The following CLVS1 variants were observed in gnomAD, a reference collection of about 807,000 sequenced individuals.
The protein encoded by CLVS1 is clavesin 1, also known as clavesin-1.
CLVS1 carries 10 observed loss-of-function variants against 33.1 expected under a neutral mutation model. The observed-to-expected ratio is 0.30, with a 90% confidence interval of 0.19 to 0.51. CLVS1 has a LOEUF of 0.51. Ranked by LOEUF, CLVS1 falls within the 20% of genes least tolerant of loss-of-function variation. CLVS1 has a pLI of 0.97. For synonymous variants in CLVS1, 163 were observed against 166.1 expected (o/e 0.98, Z 0.14); for missense variants, 343 against 433.4 (o/e 0.79, Z 1.85).
rs577587866 is a variant in CLVS1, at chr8:61,384,077, T to C, written c.630+7298T>C. 5.3e-5 allele frequency among the ~76,000 whole-genome samples: 8 copies of C among 152,346 alleles called. No homozygotes were observed. In the South Asian group the frequency reaches 1.4e-3, roughly 28 times the overall value. On this transcript the variant is annotated intron_variant, in intron 3 of 5. Transcript: ENST00000325897. ...GGCAAGGCCAGGCCTCAGCTGATAC[T>C]TAGCAGGTAAGCGTGGAATAGTAAG...
chr8:61,387,505 T>C (rs1447139748), intron 3 of CLVS1, among the ~76,000 whole-genome samples: 2 of 151,078 alleles, frequency 1.3e-5, no homozygotes, highest in Non-Finnish European at 3.0e-5. Flanking sequence ...AATAGGTTTT[T>C]GGGGAACAAG....
At chr8:61,257,886 G>C (rs1348746810) in intron 2 of CLVS1, among the ~76,000 whole-genome samples, 1 of 152,176 alleles carries the variant, frequency 6.6e-6, no homozygotes, top group Non-Finnish European at 1.5e-5. Context: ...TAGAATAGGA[G>C]ACTTGCTATG....
At chr8:61,248,506 C>T (rs887856978) in intron 2 of CLVS1, among the ~76,000 whole-genome samples, 2 of 152,054 alleles carry the variant, frequency 1.3e-5, no homozygotes, top group Non-Finnish European at 2.9e-5. Context: ...TCTTTCACTT[C>T]CCTTGTTAGC....
At chr8:61,416,118 G>A (rs1163940403) in intron 3 of CLVS1, among the ~76,000 whole-genome samples, 1 of 152,126 alleles carries the variant, frequency 6.6e-6, no homozygotes, top group Non-Finnish European at 1.5e-5. Context: ...TACATGACAA[G>A]GTTATGGGAC....
chr8:61,448,711 C>CAA (rs35158301), intron 3 of CLVS1, among the ~76,000 whole-genome samples: 2,068 of 139,596 alleles, frequency 0.015, 50 homozygotes, highest in African/African-American at 0.049. Context: ...CCCTCTCTCT[C>CAA]AAAAAAAAAA....
At chr8:61,494,300 A>T (rs771241805) in intron 5 of CLVS1, among the ~76,000 whole-genome samples, 73 of 152,086 alleles carry the variant, frequency 4.8e-4, no homozygotes, top group Non-Finnish European at 9.3e-4. Context: ...GGGTAGAATA[A>T]AGGAGGGTGG....
chr8:61,165,804 A>C (rs1426572403), intron 2 of CLVS1, among the ~76,000 whole-genome samples: 1 of 152,374 alleles, frequency 6.6e-6, no homozygotes, highest in East Asian at 1.9e-4. Context: ...TATTTGGCTC[A>C]GAATAAATCT....
chr8:61,103,552 A>G (rs2129286877), intron 1 of CLVS1, among the ~76,000 whole-genome samples: 1 of 152,374 alleles, frequency 6.6e-6, no homozygotes, highest in Middle Eastern at 3.4e-3. Flanking sequence ...ATCAGAATGC[A>G]GACAGCACAT....
chr8:61,395,976 G>T (rs1252237401), intron 3 of CLVS1, among the ~76,000 whole-genome samples: 1 of 152,082 alleles, frequency 6.6e-6, no homozygotes, highest in Non-Finnish European at 1.5e-5. Flanking sequence ...TCCCACACTT[G>T]TCAGTTATTT....
At chr8:61,466,123 T>C (rs6471952) in intron 5 of CLVS1, among the ~76,000 whole-genome samples, 18,695 of 152,222 alleles carry the variant, frequency 0.12, 3,025 homozygotes, top group African/African-American at 0.37. Flanking sequence ...TAACCCAACA[T>C]TAAAACTGTC....
chr8:61,028,644 G>A, the CLVS1 span, among the ~76,000 whole-genome samples: 1 of 152,186 alleles, frequency 6.6e-6, no homozygotes, highest in South Asian at 2.1e-4. Flanking sequence ...TGCTGGCTCA[G>A]ATAAGCTGAC....
intron 2 of CLVS1, among the ~76,000 whole-genome samples, chr8:61,337,117 A>G (rs971296590): frequency 1.3e-5 from 2 of 152,200 alleles, no homozygotes; most frequent in Admixed American, 1.3e-4. Flanking sequence ...CACGTTGACT[A>G]CAAGATCAGG....
intron 2 of CLVS1, among the ~76,000 whole-genome samples, chr8:61,374,905 G>T (rs1308354668): frequency 6.6e-6 from 1 of 152,084 alleles, no homozygotes; most frequent in Non-Finnish European, 1.5e-5. Flanking sequence ...ATAAGGAAAT[G>T]ATTTTTAGTA....
intron 2 of CLVS1, among the ~76,000 whole-genome samples, chr8:61,345,464 G>T (rs1477296352): frequency 6.6e-6 from 1 of 152,126 alleles, no homozygotes; most frequent in African/African-American, 2.4e-5. Flanking sequence ...CGGATGCAGA[G>T]GACACCCTTT....
intron 2 of CLVS1, among the ~76,000 whole-genome samples, chr8:61,182,220 TA>T (rs1218445108): frequency 3.3e-5 from 5 of 151,822 alleles, no homozygotes; most frequent in Non-Finnish European, 7.4e-5. Context: ...CCCAAAACCA[TA>T]AAAACCCTAG....
intron 2 of CLVS1, among the ~76,000 whole-genome samples, chr8:61,375,314 G>A (rs953863681): frequency 2.7e-5 from 4 of 149,472 alleles, no homozygotes; most frequent in Admixed American, 6.7e-5. Flanking sequence ...GCAATGGCGC[G>A]ATCTCAGCTC....
At chr8:61,008,870 T>A in the CLVS1 span, among the ~76,000 whole-genome samples, 1 of 152,348 alleles carries the variant, frequency 6.6e-6, no homozygotes, top group African/African-American at 2.4e-5. Flanking sequence ...TATCTTGGCC[T>A]AGTAAAACAA....
intron 3 of CLVS1, among the ~76,000 whole-genome samples, chr8:61,395,484 T>G (rs1003719784): frequency 2.0e-5 from 3 of 152,244 alleles, no homozygotes; most frequent in African/African-American, 7.2e-5. Flanking sequence ...ACAAAAATGA[T>G]AAATCATTGA....
At chr8:61,009,090 G>C in the CLVS1 span, among the ~76,000 whole-genome samples, 1 of 151,804 alleles carries the variant, frequency 6.6e-6, no homozygotes, top group African/African-American at 2.4e-5. Flanking sequence ...TGCATATTAG[G>C]GTTACACATA....
Sources: allele counts gnomAD v4.1 joint callset (sites outside exome capture counted in the v4.1 genomes callset), GRCh38; gene constraint gnomAD v4.1.1; transcripts MANE v1.5; gene names NCBI Gene and HGNC (gene_info 2026-07-23, HGNC 2026-07-21).